Variants in AFAP1 observed in about 807,000 individuals in gnomAD.
The protein encoded by AFAP1 is actin filament-associated protein 1.
In AFAP1, 75 loss-of-function variants were observed where a neutral mutation model predicts 93.9. The ratio of observed to expected loss-of-function variants is 0.80; its 90% CI spans 0.66 to 0.97. AFAP1 has a LOEUF of 0.97. Ranked by LOEUF, AFAP1 falls within the 50% of genes least tolerant of loss-of-function variation. The pLI is 0.00. For missense variants in AFAP1, 1,201 were observed against 1,050.8 expected (o/e 1.14, Z -1.98); for synonymous variants, 517 against 430.7 (o/e 1.20, Z -2.48).
intron 6 of AFAP1, among the ~76,000 whole-genome samples, chr4:7,832,563 G>A (rs774963392): frequency 6.6e-6 from 1 of 151,766 alleles, no homozygotes; most frequent in Non-Finnish European, 1.5e-5. Flanking sequence ...TGCCGGCAAC[G>A]ATGGACTAGG....
intron 17 of AFAP1, 121 bp from the exon 18 acceptor site, chr4:7,763,912 A>C (rs1355654409): frequency 1.1e-6 from 1 of 916,740 alleles, no homozygotes; most frequent in African/African-American, 1.6e-5. Flanking sequence ...AAAACTCAAC[A>C]GAATCAATGA....
At chr4:7,871,470 G>A (rs139354216) in intron 2 of AFAP1, among the ~76,000 whole-genome samples, 37 of 152,304 alleles carry the variant, frequency 2.4e-4, no homozygotes, top group African/African-American at 5.1e-4. Flanking sequence ...TGGAAATGTC[G>A]CACAGAGCTT....
intron 13 of AFAP1, chr4:7,779,156 C>T (rs1236482351): frequency 7.8e-6 from 3 of 383,212 alleles, no homozygotes; most frequent in African/African-American, 2.1e-5. Flanking sequence ...ACCACAAATG[C>T]TAACCAAGCT....
intron 17 of AFAP1, among the ~76,000 whole-genome samples, chr4:7,765,273 T>C (rs1319806771): frequency 6.6e-6 from 1 of 152,174 alleles, no homozygotes; most frequent in Non-Finnish European, 1.5e-5. Flanking sequence ...TGCTTCTCTC[T>C]ACACACACCC....
intron 1 of AFAP1, among the ~76,000 whole-genome samples, chr4:7,920,977 T>TA (rs1720409311): frequency 6.6e-6 from 1 of 151,494 alleles, no homozygotes; most frequent in Non-Finnish European, 1.5e-5. Context: ...ATTATATATA[T>TA]TTTTGTAGGT....
At chr4:7,927,581 T>C (rs1051314376) in intron 1 of AFAP1, among the ~76,000 whole-genome samples, 1 of 152,088 alleles carries the variant, frequency 6.6e-6, no homozygotes, top group Non-Finnish European at 1.5e-5. Flanking sequence ...TTCCAAAACT[T>C]TGGGAGGCCG....
At chr4:7,895,852 G>GT (rs35666187) in intron 1 of AFAP1, among the ~76,000 whole-genome samples, 19,698 of 110,550 alleles carry the variant, frequency 0.18, 1,836 homozygotes, top group Non-Finnish European at 0.2. Context: ...TCTTCAGAAA[G>GT]TTTTTTTTTT....
At chr4:7,910,044 A>C (rs6811851) in intron 1 of AFAP1, among the ~76,000 whole-genome samples, 86,194 of 152,038 alleles carry the variant, frequency 0.57, 27,421 homozygotes, top group East Asian at 0.83. Context: ...CCGGGTGAAA[A>C]AAATACCCTG....
intron 1 of AFAP1, among the ~76,000 whole-genome samples, chr4:7,881,718 T>C (rs938246854): frequency 9.9e-5 from 15 of 151,824 alleles, no homozygotes; most frequent in Admixed American, 2.6e-4. Flanking sequence ...GGGTGGTGGA[T>C]TGCAGTGTGC....
chr4:7,764,974 C>T lies in AFAP1; in HGVS notation c.2419-1183G>A, dbSNP rs553535078. Among the ~76,000 whole-genome samples, 12 of 152,196 alleles carry T rather than the reference C, an allele frequency of 7.9e-5. No homozygotes were observed. In the South Asian group the frequency reaches 8.3e-4, roughly 11 times the overall value. ...TACAAAAATTAGCTGGGTGTGGTGG[C>T]GCACACCCATAGTCCCAGCTACTCG... On this transcript the variant is annotated intron_variant, in intron 17 of 17. Coordinates refer to ENST00000420658, the MANE Select transcript of AFAP1 (RefSeq NM_001134647.2).
intron 10 of AFAP1, among the ~76,000 whole-genome samples, chr4:7,800,111 G>C (rs555372162): frequency 3.3e-5 from 5 of 152,298 alleles, no homozygotes; most frequent in African/African-American, 1.2e-4. Context: ...CTTTAGAAAA[G>C]CAATGTACTC....
intron 4 of AFAP1, among the ~76,000 whole-genome samples, chr4:7,848,567 G>C (rs2149128359): frequency 6.6e-6 from 1 of 152,252 alleles, no homozygotes; most frequent in South Asian, 2.1e-4. Flanking sequence ...GAAAAGAGAG[G>C]CCCACGTGCC....
chr4:7,861,186 T>C (rs1351743375), intron 3 of AFAP1, among the ~76,000 whole-genome samples: 1 of 152,158 alleles, frequency 6.6e-6, no homozygotes, highest in Non-Finnish European at 1.5e-5. Context: ...AGCCAAAAAA[T>C]ATATAATTTG....
intron 1 of AFAP1, among the ~76,000 whole-genome samples, chr4:7,904,741 G>A (rs1030588515): frequency 9.9e-5 from 15 of 152,080 alleles, no homozygotes; most frequent in African/African-American, 3.6e-4. Flanking sequence ...ACGGGGTCTT[G>A]CTCTGACCAG....
At chr4:7,938,192 G>A (rs905128945) in intron 1 of AFAP1, among the ~76,000 whole-genome samples, 8 of 151,824 alleles carry the variant, frequency 5.3e-5, no homozygotes, top group African/African-American at 1.7e-4. Flanking sequence ...GGCAGCGGAG[G>A]GCAGAGAAAG....
At chr4:7,915,707 T>G (rs1720049566) in intron 1 of AFAP1, among the ~76,000 whole-genome samples, 1 of 152,240 alleles carries the variant, frequency 6.6e-6, no homozygotes, top group South Asian at 2.1e-4. Context: ...CTGCTTCTGC[T>G]GGTTAAGGCT....
At chr4:7,791,855 A>AAAC (rs1553828557) in intron 11 of AFAP1, among the ~76,000 whole-genome samples, 45 of 147,186 alleles carry the variant, frequency 3.1e-4, no homozygotes, top group East Asian at 1.4e-3. Flanking sequence ...AAAAAAACAA[A>AAAC]AACAAAAAAC....
chr4:7,811,973 A>ACACAC (rs1720086882), intron 8 of AFAP1, among the ~76,000 whole-genome samples: 1 of 143,090 alleles, frequency 7.0e-6, no homozygotes, highest in South Asian at 2.3e-4. Flanking sequence ...CCCAACACGT[A>ACACAC]CACACCCTCT....
At chr4:7,819,459 A>G (rs894761956) in intron 6 of AFAP1, among the ~76,000 whole-genome samples, 1 of 152,202 alleles carries the variant, frequency 6.6e-6, no homozygotes, top group African/African-American at 2.4e-5. Flanking sequence ...GCCATGAACA[A>G]TAAGGGTCAC....
Sources: gnomAD v4.1 joint callset for allele counts (sites outside exome capture counted in the v4.1 genomes callset) on GRCh38, gnomAD v4.1.1 for gene constraint, MANE v1.5 for transcripts, NCBI Gene and HGNC (gene_info 2026-07-23, HGNC 2026-07-21) for gene names.